The following SNTG1 variants were observed in gnomAD, a reference collection of about 807,000 sequenced individuals.
SNTG1 encodes syntrophin gamma 1, also known as gamma-1-syntrophin.
Under a neutral mutation model 74.7 loss-of-function variants are expected in SNTG1, and 39 were observed. The ratio of observed to expected loss-of-function variants is 0.52; its 90% CI spans 0.40 to 0.68. The LOEUF is 0.68. Ranked by LOEUF, SNTG1 falls within the 30% of genes least tolerant of loss-of-function variation. The probability of loss-of-function intolerance (pLI) is 0.00; values close to 1 mark genes in which losing one functional copy is unlikely to be tolerated. For missense variants in SNTG1, 685 were observed against 609.5 expected, an observed-to-expected ratio of 1.12 and a Z score of -1.30; for synonymous variants, 254 against 217.1, an observed-to-expected ratio of 1.17 and a Z score of -1.49.
At chr8:50,374,792 C>T (rs2092342165) in intron 2 of SNTG1, among the ~76,000 whole-genome samples, 1 of 152,066 alleles carries the variant, frequency 6.6e-6, no homozygotes, top group Non-Finnish European at 1.5e-5. Context: ...CATCTCATAG[C>T]TAAATAAATA....
chr8:50,135,438 T>C (rs1315445835), intron 1 of SNTG1, among the ~76,000 whole-genome samples: 2 of 152,326 alleles, frequency 1.3e-5, no homozygotes, highest in African/African-American at 4.8e-5. Flanking sequence ...TTTGAATTGT[T>C]ATTATTTCTA....
At chr8:50,172,795 C>T (rs567335161) in intron 2 of SNTG1, among the ~76,000 whole-genome samples, 160 bp downstream of exon 2, 3 of 150,508 alleles carry the variant, frequency 2.0e-5, no homozygotes, top group African/African-American at 7.3e-5. Flanking sequence ...AAAACAAAAC[C>T]TCTTGTTATG....
intron 12 of SNTG1, 146 bp from the exon 13 acceptor site, chr8:50,590,732 AT>A: frequency 2.1e-6 from 1 of 487,716 alleles, no homozygotes. Context: ...CTGTTTATAT[AT>A]GTTGTTTTAT....
chr8:50,667,146 C>A (rs970278173), intron 15 of SNTG1, among the ~76,000 whole-genome samples: 1 of 151,742 alleles, frequency 6.6e-6, no homozygotes, highest in Non-Finnish European at 1.5e-5. Flanking sequence ...AAGAGTATAT[C>A]GATATCATTA....
At chr8:50,151,742 A>T (rs937088128) in intron 1 of SNTG1, among the ~76,000 whole-genome samples, 2 of 152,050 alleles carry the variant, frequency 1.3e-5, no homozygotes, top group African/African-American at 4.8e-5. Context: ...CTTAATCCTG[A>T]GTTCTAGTTT....
intron 8 of SNTG1, among the ~76,000 whole-genome samples, chr8:50,478,857 T>C (rs2093717243): frequency 6.6e-6 from 1 of 152,154 alleles, no homozygotes; most frequent in Admixed American, 6.5e-5. Flanking sequence ...ATATTTCTCT[T>C]ATAGGAATAC....
chr8:50,758,612 G>A (rs2095587967), intron 18 of SNTG1, among the ~76,000 whole-genome samples: 1 of 152,002 alleles, frequency 6.6e-6, no homozygotes. Context: ...TGAGAATGAT[G>A]GTTTCCAGCT....
chr8:50,374,628 C>T (rs1233444476), intron 2 of SNTG1, among the ~76,000 whole-genome samples: 1 of 152,198 alleles, frequency 6.6e-6, no homozygotes, highest in Non-Finnish European at 1.5e-5. Flanking sequence ...CTCCGCAGAG[C>T]TCCAGGCTTC....
At chr8:50,394,573 A>G (rs2092703913) in intron 3 of SNTG1, among the ~76,000 whole-genome samples, 1 of 152,172 alleles carries the variant, frequency 6.6e-6, no homozygotes, top group East Asian at 1.9e-4. Flanking sequence ...TTTCACATAA[A>G]TGGTAATAAA....
intron 18 of SNTG1, among the ~76,000 whole-genome samples, chr8:50,791,153 C>T (rs915658486): frequency 3.3e-5 from 5 of 151,738 alleles, no homozygotes; most frequent in Non-Finnish European, 5.9e-5. Flanking sequence ...CTGGCTACAC[C>T]AAGCATTATG....
chr8:50,206,010 C>T (rs1357414940), intron 2 of SNTG1, among the ~76,000 whole-genome samples: 5 of 152,130 alleles, frequency 3.3e-5, no homozygotes, highest in African/African-American at 4.8e-5. Flanking sequence ...GTGATGCCTC[C>T]AGCTTTGTTC....
intron 1 of SNTG1, among the ~76,000 whole-genome samples, chr8:50,162,108 C>T (rs2131597769): frequency 6.6e-6 from 1 of 152,250 alleles, no homozygotes; most frequent in Non-Finnish European, 1.5e-5. Context: ...CTTGACTTGA[C>T]TGCCACTTGC....
intron 8 of SNTG1, among the ~76,000 whole-genome samples, chr8:50,495,915 C>T (rs1049203632): frequency 1.3e-5 from 2 of 152,318 alleles, no homozygotes; most frequent in Admixed American, 6.5e-5. Context: ...ATTACCGTTT[C>T]AACCAAAGCT....
At chr8:49,925,388 T>A (rs532454832) in intron 1 of SNTG1, among the ~76,000 whole-genome samples, 11 of 152,316 alleles carry the variant, frequency 7.2e-5, no homozygotes, top group Middle Eastern at 3.4e-3. Flanking sequence ...AAATACACTA[T>A]AGCCTTATTT....
chr8:49,935,103 A>C (rs1051630399), intron 1 of SNTG1, among the ~76,000 whole-genome samples: 2 of 151,932 alleles, frequency 1.3e-5, no homozygotes, highest in Admixed American at 1.3e-4. Context: ...AAACTGACCA[A>C]ACAGTTGTAG....
At chr8:50,780,524 G>T (rs2095655887) in intron 18 of SNTG1, among the ~76,000 whole-genome samples, 1 of 152,150 alleles carries the variant, frequency 6.6e-6, no homozygotes, top group Admixed American at 6.5e-5. Flanking sequence ...ATGGTAGTTT[G>T]TATTTCTGTG....
chr8:49,948,248 T>C (rs1170193337), intron 1 of SNTG1, among the ~76,000 whole-genome samples: 1 of 152,256 alleles, frequency 6.6e-6, no homozygotes, highest in East Asian at 1.9e-4. Context: ...TTAATTATTT[T>C]AAAAATCTAA....
intron 13 of SNTG1, among the ~76,000 whole-genome samples, chr8:50,618,102 G>T (rs2094897320): frequency 6.6e-6 from 1 of 152,128 alleles, no homozygotes; most frequent in Non-Finnish European, 1.5e-5. Context: ...CGCCTAAGTT[G>T]TTATGATGTT....
chr8:50,123,832 T>C lies in SNTG1; in HGVS notation c.-102-48729T>C. Among the ~76,000 whole-genome samples, 2 of 142,648 alleles carry C rather than the reference T, an allele frequency of 1.4e-5. 1 individual carries two copies. Among genetic ancestry groups the C allele is most frequent in the Non-Finnish European group, 3.1e-5 (2 of 63,896 alleles). The allele number at this position is 142,648 out of a possible 152,430, so 93.6% of individuals were successfully genotyped here. On this transcript the variant is annotated intron_variant, in intron 1 of 18. Coordinates refer to ENST00000642720, the MANE Select transcript of SNTG1 (RefSeq NM_018967.5). The stretch of plus-strand genomic sequence containing the variant: ...CACAAGCCAACACATCTTTGCTTTC[T>C]TAAGTGATGTGCCCAAGTCCATACA...
Sources: allele counts gnomAD v4.1 joint callset (sites outside exome capture counted in the v4.1 genomes callset), GRCh38; gene constraint gnomAD v4.1.1; transcripts MANE v1.5; gene names NCBI Gene and HGNC (gene_info 2026-07-23, HGNC 2026-07-21).